The following RRAS2 variants were observed in gnomAD, a reference collection of about 807,000 sequenced individuals.
RRAS2 encodes ras-related protein R-Ras2.
A neutral mutation model predicts 27.6 loss-of-function variants in RRAS2; 7 were observed. The ratio of observed to expected loss-of-function variants is 0.25; its 90% confidence interval spans 0.14 to 0.48. The LOEUF is 0.48. Among genes scored for constraint, RRAS2 ranks in the 20% least tolerant of loss-of-function variants. The pLI is 0.99. For missense variants in RRAS2, 178 were observed against 256.2 expected, an observed-to-expected ratio of 0.69 and a Z score of 2.08; for synonymous variants, 86 against 90.9, an observed-to-expected ratio of 0.95 and a Z score of 0.31.
At chr11:14,323,696 T>C (rs1848280781) in intron 1 of RRAS2, among the ~76,000 whole-genome samples, 4 of 152,038 alleles carry the variant, frequency 2.6e-5, no homozygotes, top group Admixed American at 2.0e-4. Context: ...GCCAGTATAA[T>C]CTGGATACCA....
intron 1 of RRAS2, chr11:14,337,068 T>C (rs1848602304): frequency 6.6e-6 from 1 of 152,242 alleles, no homozygotes; most frequent in Non-Finnish European, 1.5e-5. Flanking sequence ...CACAGTATCT[T>C]TCAGGTGCTG....
intron 1 of RRAS2, among the ~76,000 whole-genome samples, chr11:14,330,661 A>AAT (rs1554951765): frequency 6.6e-6 from 1 of 151,330 alleles, no homozygotes; most frequent in East Asian, 1.9e-4. Context: ...ATTAAAAAAA[A>AAT]TTTTTTTTTC....
At chr11:14,330,735 A>ATAT (rs1195701605) in intron 1 of RRAS2, among the ~76,000 whole-genome samples, 18 of 152,232 alleles carry the variant, frequency 1.2e-4, no homozygotes, top group Admixed American at 1.2e-3. Context: ...AACCACAGCT[A>ATAT]TATGTTGAGA....
At chr11:14,301,266 T>C (rs1371438594) in intron 1 of RRAS2, among the ~76,000 whole-genome samples, 1 of 152,200 alleles carries the variant, frequency 6.6e-6, no homozygotes, top group Non-Finnish European at 1.5e-5. Context: ...ATATTAAAAT[T>C]AATTTTTTCT....
rs1849443537 is a variant in RRAS2, at chr11:14,278,853, T to C, written c.*484A>G. On this transcript the variant is annotated 3_prime_UTR_variant, in exon 6 of 6. Transcript: ENST00000256196. Reference sequence around the variant, plus strand: ...AGTAAAGGTCTGAGATGGTTCACTTTTGTAGATTCAATTCAGTGTATTTAA... The same window carrying C: ...AGTAAAGGTCTGAGATGGTTCACTTCTGTAGATTCAATTCAGTGTATTTAA... 6.5e-6 allele frequency: 1 copy of C among 154,726 alleles called. No homozygotes were observed. Among genetic ancestry groups the C allele is most frequent in the African/African-American group, 2.4e-5 (1 of 41,442 alleles). The allele number at this position is 154,726 out of a possible 1,614,324, so 9.6% of individuals were successfully genotyped here.
At chr11:14,305,141 T>C (rs1452971135) in intron 1 of RRAS2, among the ~76,000 whole-genome samples, 10 of 152,180 alleles carry the variant, frequency 6.6e-5, no homozygotes, top group African/African-American at 1.9e-4. Flanking sequence ...GTGCCTTCAT[T>C]TGCCTTCCAT....
chr11:14,364,092 A>T (rs1849223465), upstream of RRAS2, among the ~76,000 whole-genome samples: 1 of 152,050 alleles, frequency 6.6e-6, no homozygotes, highest in South Asian at 2.1e-4. Flanking sequence ...AAATAAAGTG[A>T]CCCTGAGACA....
intron 1 of RRAS2, among the ~76,000 whole-genome samples, chr11:14,319,478 C>T (rs1848181315): frequency 1.3e-5 from 2 of 151,218 alleles, no homozygotes; most frequent in Admixed American, 6.6e-5. Flanking sequence ...CCTGCCTCAG[C>T]CTCCCGAGTA....
At chr11:14,286,476 T>C (rs1554945047) in intron 4 of RRAS2, among the ~76,000 whole-genome samples, 1 of 152,232 alleles carries the variant, frequency 6.6e-6, no homozygotes, top group Non-Finnish European at 1.5e-5. Flanking sequence ...AGTTATACTA[T>C]CCAATACTCC....
intron 1 of RRAS2, among the ~76,000 whole-genome samples, chr11:14,309,698 A>T (rs1433532734): frequency 2.6e-5 from 4 of 152,216 alleles, no homozygotes; most frequent in African/African-American, 4.8e-5. Context: ...CAGTGCGGTG[A>T]GAGTACTGTA....
At position 14,278,523 on chromosome 11, in the gene RRAS2, ATATTT is replaced by A. The variant is rs1849435530; in HGVS notation, c.*809_*813del. On this transcript the variant is annotated 3_prime_UTR_variant, in exon 6 of 6. Coordinates refer to ENST00000256196, the MANE Select transcript of RRAS2 (RefSeq NM_012250.6). The stretch of plus-strand genomic sequence containing the variant: ...CTCTGACCCTGGAAAGATCAATTCC[ATATTT>A]TATATTACAAACAAAAACAGTTTTA... The A allele has an allele frequency of 6.6e-6, 1 of 152,246 alleles. No homozygotes were observed. The highest frequency in any genetic ancestry group is 6.5e-5 in the Admixed American group (1 of 15,280). 9.4% of individuals were successfully genotyped at this position (152,246 alleles called of 1,614,324 possible).
At chr11:14,303,059 A>G (rs916534279) in intron 1 of RRAS2, among the ~76,000 whole-genome samples, 15 of 152,222 alleles carry the variant, frequency 9.9e-5, no homozygotes, top group African/African-American at 3.4e-4. Flanking sequence ...TATAGCTGAT[A>G]AAGCCCAAAT....
At chr11:14,307,343 G>A (rs193179112) in intron 1 of RRAS2, among the ~76,000 whole-genome samples, 22 of 152,022 alleles carry the variant, frequency 1.4e-4, no homozygotes, top group South Asian at 2.1e-4. Flanking sequence ...TAAAATGTAC[G>A]GGGGGAAATG....
At chr11:14,302,325 T>C (rs573276154) in intron 1 of RRAS2, among the ~76,000 whole-genome samples, 4 of 152,266 alleles carry the variant, frequency 2.6e-5, no homozygotes, top group African/African-American at 7.2e-5. Context: ...TAAATTATGA[T>C]AAACCAAAAT....
intron 1 of RRAS2, among the ~76,000 whole-genome samples, chr11:14,304,875 C>A (rs1366185253): frequency 2.6e-5 from 4 of 152,230 alleles, no homozygotes; most frequent in African/African-American, 9.6e-5. Context: ...TTCCCTGCAA[C>A]ATCCTCCCTT....
chr11:14,349,079 C>A (rs1001274200), intron 1 of RRAS2, among the ~76,000 whole-genome samples: 1 of 152,150 alleles, frequency 6.6e-6, no homozygotes, highest in African/African-American at 2.4e-5. Context: ...CATTCTCCTG[C>A]CTCAGCCTCC....
chr11:14,328,989 G>GTA (rs1554951520), intron 1 of RRAS2, among the ~76,000 whole-genome samples: 3 of 51,750 alleles, frequency 5.8e-5, no homozygotes, highest in African/African-American at 1.0e-4. Context: ...ATATATATGT[G>GTA]TGTGTGTGTG....
Position 14,279,127 on chromosome 11 carries a change from T to C in RRAS2, c.*210A>G. The C allele has an allele frequency of 1.9e-6, 1 of 516,944 alleles. No individual in the cohort carries two copies. Among genetic ancestry groups the C allele is most frequent in the South Asian group, 2.8e-5 (1 of 35,384 alleles). The allele number at this position is 516,944 out of a possible 1,614,324, so 32.0% of individuals were successfully genotyped here. On this transcript the variant is annotated 3_prime_UTR_variant, in exon 6 of 6. Transcript: ENST00000256196. Reference sequence around the variant, plus strand: ...CATATATTTTAAAGGAATCAGATAATCTTTGAAGCAGCCTTAGTGTTTCCT... The same window carrying C: ...CATATATTTTAAAGGAATCAGATAACCTTTGAAGCAGCCTTAGTGTTTCCT...
chr11:14,280,910 G>GT (rs1195093608), intron 5 of RRAS2, among the ~76,000 whole-genome samples: 2 of 151,984 alleles, frequency 1.3e-5, no homozygotes, highest in African/African-American at 2.4e-5. Context: ...ACCCACAAAC[G>GT]TACCTCGTAA....
Sources: allele counts gnomAD v4.1 joint callset (sites outside exome capture counted in the v4.1 genomes callset), GRCh38; gene constraint gnomAD v4.1.1; transcripts MANE v1.5; gene names NCBI Gene and HGNC (gene_info 2026-07-23, HGNC 2026-07-21).